FOXP1: variants seen among roughly 807,000 people sequenced by gnomAD.
FOXP1 encodes forkhead box protein P1.
In FOXP1, 15 loss-of-function variants were observed where a neutral mutation model predicts 98.2. That is an observed-to-expected ratio of 0.15 (90% confidence interval 0.10 to 0.24). The LOEUF is 0.24. Ranked by LOEUF, FOXP1 falls within the 10% of genes least tolerant of loss-of-function variation. The pLI is 1.00. For synonymous variants in FOXP1, 371 were observed against 314.5 expected, an observed-to-expected ratio of 1.18 and a Z score of -1.90; for missense variants, 633 against 848.5, an observed-to-expected ratio of 0.75 and a Z score of 3.15.
intron 4 of FOXP1, among the ~76,000 whole-genome samples, chr3:71,348,548 T>TGTGCGC (rs752492060): frequency 7.6e-6 from 1 of 132,062 alleles, no homozygotes; most frequent in African/African-American, 3.4e-5. Flanking sequence ...TGTGTGTGTG[T>TGTGCGC]GCGTGCGCGC....
At chr3:71,248,007 G>A (rs549368477) in intron 5 of FOXP1, among the ~76,000 whole-genome samples, 1 of 152,318 alleles carries the variant, frequency 6.6e-6, no homozygotes, top group South Asian at 2.1e-4. Context: ...CAGAGGCCAG[G>A]ACACAGCGGC....
chr3:71,202,569 T>C (rs1414775001), intron 5 of FOXP1, among the ~76,000 whole-genome samples: 1 of 152,228 alleles, frequency 6.6e-6, no homozygotes, highest in African/African-American at 2.4e-5. Flanking sequence ...AGGTAAATGT[T>C]ATCCCCATTT....
intron 4 of FOXP1, among the ~76,000 whole-genome samples, chr3:71,330,037 T>G (rs2076202543): frequency 6.6e-6 from 1 of 152,146 alleles, no homozygotes; most frequent in South Asian, 2.1e-4. Context: ...AGGGAGAACC[T>G]GTTTCAAAAG....
At chr3:71,203,148 C>T (rs2063778539) in intron 5 of FOXP1, among the ~76,000 whole-genome samples, 1 of 152,218 alleles carries the variant, frequency 6.6e-6, no homozygotes, top group Non-Finnish European at 1.5e-5. Context: ...TCTTCCTCTG[C>T]TTTCCTGTGT....
chr3:71,247,388 C>T (rs2067833857), intron 5 of FOXP1, among the ~76,000 whole-genome samples: 1 of 152,168 alleles, frequency 6.6e-6, no homozygotes, highest in African/African-American at 2.4e-5. Flanking sequence ...GACAATGGGA[C>T]AAGTGCCAGA....
chr3:71,017,818 A>T lies in FOXP1; in HGVS notation c.870-2165T>A, dbSNP rs2044735360. Among the ~76,000 whole-genome samples, 3 of 152,350 alleles carry T rather than the reference A, an allele frequency of 2.0e-5. No homozygotes were observed. In the South Asian group the frequency reaches 6.2e-4, roughly 32 times the overall value. ...ATTATCACAACTGACTGCTACCAGAAGATACATTCAGAGAAATAGAATCAC... is the reference window on the plus strand; with the variant it reads ...ATTATCACAACTGACTGCTACCAGATGATACATTCAGAGAAATAGAATCAC... On this transcript the variant is annotated intron_variant, in intron 11 of 20. Transcript: ENST00000649528.
chr3:71,182,794 C>G (rs1312656593), intron 6 of FOXP1, among the ~76,000 whole-genome samples: 1 of 151,972 alleles, frequency 6.6e-6, no homozygotes, highest in Non-Finnish European at 1.5e-5. Context: ...ATCTTCCAGC[C>G]TTAGCCTCCC....
chr3:71,055,817 A>T (rs190845351), intron 7 of FOXP1, among the ~76,000 whole-genome samples: 4 of 152,182 alleles, frequency 2.6e-5, no homozygotes, highest in Non-Finnish European at 5.9e-5. Flanking sequence ...AACCATGTTT[A>T]AGGTTTCTTT....
chr3:70,986,128 A>C (rs2039690301), intron 14 of FOXP1, among the ~76,000 whole-genome samples: 1 of 152,072 alleles, frequency 6.6e-6, no homozygotes, highest in Non-Finnish European at 1.5e-5. Context: ...TTTTTTTAAT[A>C]CTAATCAAGA....
chr3:70,967,601 C>G (rs2035081044), intron 19 of FOXP1, among the ~76,000 whole-genome samples: 1 of 150,426 alleles, frequency 6.6e-6, no homozygotes, highest in Non-Finnish European at 1.5e-5. Context: ...TTTCCAACAG[C>G]TCTTTTATAA....
intron 13 of FOXP1, among the ~76,000 whole-genome samples, chr3:70,990,004 C>G (rs1468398900): frequency 2.0e-5 from 3 of 152,196 alleles, no homozygotes; most frequent in African/African-American, 7.2e-5. Context: ...TACACAGCCA[C>G]TTTCATAAAC....
chr3:71,433,816 G>A (rs577988376), intron 3 of FOXP1, among the ~76,000 whole-genome samples: 26 of 152,178 alleles, frequency 1.7e-4, no homozygotes, highest in African/African-American at 5.8e-4. Flanking sequence ...TGCCCTGGTC[G>A]GCAGGCAAGC....
At chr3:71,269,026 C>T (rs758300047) in intron 5 of FOXP1, among the ~76,000 whole-genome samples, 24 of 151,914 alleles carry the variant, frequency 1.6e-4, no homozygotes, top group Non-Finnish European at 3.1e-4. Flanking sequence ...ATAGAAACTT[C>T]ACTCTGCAGT....
In FOXP1 at chr3:70,956,344, G is replaced by C. The variant is rs1046487660; in HGVS notation, c.*2903C>G. On this transcript the variant is annotated 3_prime_UTR_variant, in exon 21 of 21. Coordinates refer to ENST00000649528, the MANE Select transcript of FOXP1 (RefSeq NM_001349338.3). ...GTGAAGTTTGCTTGCTGTAAAGCCT[G>C]AGAATTTTTTTTTCAGTTGGTTCTT... 8.7e-6 allele frequency: 2 copies of C among 230,976 alleles called. No individual in the cohort carries two copies. 14.3% of individuals were successfully genotyped at this position (230,976 alleles called of 1,614,324 possible). A position where few individuals can be genotyped will look rare whatever the true frequency, so the allele number is the denominator to read the frequency against.
At chr3:71,428,409 T>C (rs2084360882) in intron 3 of FOXP1, among the ~76,000 whole-genome samples, 1 of 152,280 alleles carries the variant, frequency 6.6e-6, no homozygotes, top group Admixed American at 6.5e-5. Context: ...AGTACAGATA[T>C]GCATGCCAGT....
intron 7 of FOXP1, among the ~76,000 whole-genome samples, 160 bp from the exon 8 acceptor site, chr3:71,053,933 T>C (rs2050257956): frequency 6.6e-6 from 1 of 152,230 alleles, no homozygotes; most frequent in Admixed American, 6.5e-5. Flanking sequence ...TCCTATTTAA[T>C]CTATCATGGA....
chr3:71,430,445 G>T (rs2084602974), intron 3 of FOXP1, among the ~76,000 whole-genome samples: 1 of 151,732 alleles, frequency 6.6e-6, no homozygotes, highest in African/African-American at 2.4e-5. Flanking sequence ...TTCAGTAACA[G>T]ATTTGAATCT....
intron 2 of FOXP1, among the ~76,000 whole-genome samples, chr3:71,559,464 C>T (rs1243533099): frequency 1.3e-5 from 2 of 152,172 alleles, no homozygotes; most frequent in African/African-American, 4.8e-5. Context: ...TCCCCTCACC[C>T]GCTAATCTAA....
intron 7 of FOXP1, among the ~76,000 whole-genome samples, chr3:71,061,717 C>G (rs1401750565): frequency 2.6e-5 from 4 of 152,222 alleles, no homozygotes; most frequent in Non-Finnish European, 4.4e-5. Flanking sequence ...TGGAATCTAA[C>G]TGACCACTAC....
Sources: allele counts gnomAD v4.1 joint callset (sites outside exome capture counted in the v4.1 genomes callset), GRCh38; gene constraint gnomAD v4.1.1; transcripts MANE v1.5; gene names NCBI Gene and HGNC (gene_info 2026-07-23, HGNC 2026-07-21).